CILK1: variants seen among roughly 807,000 people sequenced by gnomAD.
The protein encoded by CILK1 is ciliogenesis associated kinase 1.
Under a neutral mutation model 79.2 loss-of-function variants are expected in CILK1, and 47 were observed. The ratio of observed to expected loss-of-function variants is 0.59; its 90% CI spans 0.47 to 0.76. The LOEUF (loss-of-function observed/expected upper bound fraction) is 0.76, where lower values mean the gene tolerates loss of function less well. Among genes scored for constraint, CILK1 ranks in the 30% least tolerant of loss-of-function variants. CILK1 has a pLI of 0.00. For synonymous variants in CILK1, 266 were observed against 275.9 expected, an observed-to-expected ratio of 0.96 and a Z score of 0.36; for missense variants, 660 against 769.5, an observed-to-expected ratio of 0.86 and a Z score of 1.68.
chr6:53,028,179 G>A (rs1187283692), intron 5 of CILK1, among the ~76,000 whole-genome samples: 9 of 151,638 alleles, frequency 5.9e-5, no homozygotes, highest in African/African-American at 2.2e-4. Context: ...AGCCGGGCGT[G>A]GTGGCATGCA....
At chr6:53,045,281 A>C (rs1479173356) in intron 1 of CILK1, among the ~76,000 whole-genome samples, 1 of 152,218 alleles carries the variant, frequency 6.6e-6, no homozygotes, top group African/African-American at 2.4e-5. Context: ...ACCACAGCAC[A>C]AGCAATTTTG....
rs1216080291 is a variant in CILK1, at chr6:53,011,786, T to G, written c.1475A>C (p.His492Pro). The change falls in exon 11 of 14, where the codon CAC becomes CCC. Residue 492 changes from histidine (H) to proline (P), a missense_variant. Coordinates refer to ENST00000676107, the MANE Select transcript of CILK1 (RefSeq NM_014920.5). ...RSAAKQHYLK[H>P]SRYLPGISIR... is the part of the protein sequence containing the mutation. Reference sequence around the variant, plus strand: ...TATATTACCAGGCAAGTATCGAGAGTGCTTCAAATAGTGCTGCTTGGCTGC... The same window carrying G: ...TATATTACCAGGCAAGTATCGAGAGGGCTTCAAATAGTGCTGCTTGGCTGC... The G allele has an allele frequency of 6.2e-7, 1 of 1,613,926 alleles. No homozygotes were observed. Among genetic ancestry groups the G allele is most frequent in the Non-Finnish European group, 8.5e-7 (1 of 1,179,954 alleles).
chr6:53,027,047 CA>C (rs1255808303), intron 5 of CILK1, among the ~76,000 whole-genome samples: 1 of 152,228 alleles, frequency 6.6e-6, no homozygotes, highest in African/African-American at 2.4e-5. Flanking sequence ...AGAGAATCTT[CA>C]AACACTATGA....
intron 4 of CILK1, among the ~76,000 whole-genome samples, chr6:53,031,504 T>C (rs182469220): frequency 1.3e-5 from 2 of 152,318 alleles, no homozygotes; most frequent in Admixed American, 1.3e-4. Context: ...TCAATAAAGA[T>C]GATATTTGTT....
chr6:53,053,051 TGAAAAAAA>T (rs1767597337), intron 1 of CILK1, among the ~76,000 whole-genome samples: 1 of 60,540 alleles, frequency 1.7e-5, no homozygotes, highest in Non-Finnish European at 4.1e-5. Flanking sequence ...AGTAAAAGCC[TGAAAAAAA>T]AAAAAACCTT....
intron 12 of CILK1, among the ~76,000 whole-genome samples, chr6:53,008,295 G>T (rs1346207971): frequency 6.6e-6 from 1 of 151,828 alleles, no homozygotes; most frequent in Non-Finnish European, 1.5e-5. Flanking sequence ...TTTAAAACCT[G>T]CAAAACCACA....
rs747292921 is a variant in CILK1, at chr6:53,013,695, A to G, written c.1119T>C (p.Leu373=). ...GATGCTTGTTGTGGAGGGATGGGAA[A>G]AGCAACGGGCTTGGCTTGTCCTCCT... is the stretch of plus-strand genomic sequence containing the variant. ...HLQEDKPSPL[L]FPSLHNKHPQ... The change falls in exon 9 of 14, where the codon CTT becomes CTC. Residue 373 remains leucine (L), a synonymous_variant. Transcript: ENST00000676107. The G allele has an allele frequency of 4.3e-6, 7 of 1,613,882 alleles. No homozygotes were observed. The African/African-American group carries it at 9.3e-5, about 22-fold the overall frequency.
At chr6:53,054,863 C>T (rs1303331623) in intron 1 of CILK1, among the ~76,000 whole-genome samples, 2 of 152,218 alleles carry the variant, frequency 1.3e-5, no homozygotes, top group Non-Finnish European at 2.9e-5. Flanking sequence ...AGGCAAAGAA[C>T]ATTTGCTCAT....
intron 1 of CILK1, among the ~76,000 whole-genome samples, chr6:53,058,216 G>T (rs1237339898): frequency 6.6e-6 from 1 of 152,076 alleles, no homozygotes; most frequent in Non-Finnish European, 1.5e-5. Context: ...TCCTAATATT[G>T]GACAGCAGTT....
chr6:53,036,595 T>C (rs1195507416), intron 3 of CILK1, among the ~76,000 whole-genome samples: 1 of 152,098 alleles, frequency 6.6e-6, no homozygotes, highest in Non-Finnish European at 1.5e-5. Context: ...TTTGTATTTT[T>C]AGTAGAGAAG....
At chr6:53,016,959 G>A (rs1367683889) in intron 7 of CILK1, among the ~76,000 whole-genome samples, 2 of 152,154 alleles carry the variant, frequency 1.3e-5, no homozygotes, top group East Asian at 1.9e-4. Flanking sequence ...TGACAGTTCT[G>A]GAATGCCTAC....
intron 1 of CILK1, among the ~76,000 whole-genome samples, chr6:53,051,530 A>T (rs1020484459): frequency 6.6e-6 from 1 of 152,160 alleles, no homozygotes; most frequent in African/African-American, 2.4e-5. Flanking sequence ...ACATCACCCC[A>T]GTCTCTGCCT....
Position 53,004,036 on chromosome 6 carries a change from TGAAA to T in CILK1, c.*1109_*1112del, listed in dbSNP as rs1764077641. The stretch of plus-strand genomic sequence containing the variant: ...GCCCAACAAATAAAGTTCTCACTCT[TGAAA>T]GAAACTACACCAGGGTTAGGAGATC... On this transcript the variant is annotated 3_prime_UTR_variant, in exon 14 of 14. Coordinates refer to ENST00000676107, the MANE Select transcript of CILK1 (RefSeq NM_014920.5). 6.6e-6 allele frequency: 1 copy of T among 152,660 alleles called. No individual in the cohort carries two copies. The highest frequency in any genetic ancestry group is 1.5e-5 in the Non-Finnish European group (1 of 68,034). The allele number at this position is 152,660 out of a possible 1,614,324, so 9.5% of individuals were successfully genotyped here.
At chr6:53,050,557 C>G (rs1461515088) in intron 1 of CILK1, among the ~76,000 whole-genome samples, 3 of 151,882 alleles carry the variant, frequency 2.0e-5, no homozygotes, top group East Asian at 1.9e-4. Context: ...TGGGCGTGGT[C>G]GCTCACACCT....
At chr6:53,029,151 C>T (rs922084096) in intron 5 of CILK1, among the ~76,000 whole-genome samples, 1 of 152,196 alleles carries the variant, frequency 6.6e-6, no homozygotes, top group African/African-American at 2.4e-5. Context: ...AACTGAGACA[C>T]TATGACTGGT....
intron 1 of CILK1, among the ~76,000 whole-genome samples, chr6:53,049,554 C>T (rs1367263796): frequency 6.6e-6 from 1 of 152,162 alleles, no homozygotes; most frequent in Non-Finnish European, 1.5e-5. Flanking sequence ...TTGTGCAATC[C>T]AGTCATGTGC....
Position 53,018,402 on chromosome 6 carries a change from C to T in CILK1, c.591G>A (p.Arg197=). The T allele has an allele frequency of 1.2e-6, 2 of 1,614,108 alleles. No individual in the cohort carries two copies. Among genetic ancestry groups the T allele is most frequent in the Non-Finnish European group, 1.7e-6 (2 of 1,180,004 alleles). Residue 197 remains arginine (R), a synonymous_variant, in exon 7 of 14, where the codon AGG becomes AGA. Coordinates refer to ENST00000676107, the MANE Select transcript of CILK1 (RefSeq NM_014920.5). ...TTTCACTGGCTCCAGGGAAGAGTGG[C>T]CTGAGGGTGTAAACTTCTGCCATGA... ...GCIMAEVYTL[R]PLFPGASEID... is the part of the protein sequence containing the mutation.
intron 1 of CILK1, among the ~76,000 whole-genome samples, chr6:53,054,379 A>G (rs145751211): frequency 7.9e-5 from 12 of 152,356 alleles, no homozygotes; most frequent in Non-Finnish European, 1.0e-4. Context: ...CACTTGCAGT[A>G]GCAAGTCCTC....
At chr6:53,036,797 A>G (rs1272941781) in intron 3 of CILK1, among the ~76,000 whole-genome samples, 2 of 152,236 alleles carry the variant, frequency 1.3e-5, no homozygotes, top group African/African-American at 4.8e-5. Flanking sequence ...TTGAACTCCA[A>G]TTAAGTTAAA....
Sources: gnomAD v4.1 joint callset for allele counts (sites outside exome capture counted in the v4.1 genomes callset) on GRCh38, gnomAD v4.1.1 for gene constraint, MANE v1.5 for transcripts, NCBI Gene and HGNC (gene_info 2026-07-23, HGNC 2026-07-21) for gene names.